ZRANB1: variants seen among roughly 807,000 people sequenced by gnomAD.
ZRANB1 encodes zinc finger RANBP2-type containing 1.
ZRANB1 carries 16 observed loss-of-function variants against 80.5 expected under a neutral mutation model. That is an observed-to-expected ratio of 0.20 (90% CI 0.13 to 0.30). ZRANB1 has a LOEUF of 0.30. Ranked by LOEUF, ZRANB1 falls within the 10% of genes least tolerant of loss-of-function variation. ZRANB1 has a pLI of 1.00. For synonymous variants in ZRANB1, 291 were observed against 293.1 expected (o/e 0.99, Z 0.07); for missense variants, 576 against 862.6 (o/e 0.67, Z 4.16).
chr10:124,917,775 C>G, the ZRANB1 span, among the ~76,000 whole-genome samples: 1 of 151,912 alleles, frequency 6.6e-6, no homozygotes, highest in South Asian at 2.1e-4. Flanking sequence ...AGGTGGGGGA[C>G]GACGAGGCGG....
At chr10:124,945,791 C>T (rs1433793507) in intron 1 of ZRANB1, 1 of 152,034 alleles carries the variant, frequency 6.6e-6, no homozygotes. Flanking sequence ...ATCCTTGTAC[C>T]TCTTTGCATT....
At chr10:124,953,363 C>G (rs753463441) in intron 1 of ZRANB1, among the ~76,000 whole-genome samples, 1 of 152,134 alleles carries the variant, frequency 6.6e-6, no homozygotes, top group Non-Finnish European at 1.5e-5. Context: ...AAGTAGCTGT[C>G]CTTTCCAAGA....
chr10:124,967,403 G>T (rs1358969440), intron 2 of ZRANB1, among the ~76,000 whole-genome samples: 1 of 152,178 alleles, frequency 6.6e-6, no homozygotes, highest in Non-Finnish European at 1.5e-5. Flanking sequence ...GGACTTGCAG[G>T]TAACTAAGCA....
chr10:124,959,045 C>T (rs1951709217), intron 1 of ZRANB1, among the ~76,000 whole-genome samples: 1 of 152,184 alleles, frequency 6.6e-6, no homozygotes, highest in African/African-American at 2.4e-5. Flanking sequence ...TTCAGGTACT[C>T]CCTGAGTGTG....
the ZRANB1 span, among the ~76,000 whole-genome samples, chr10:124,917,596 G>A: frequency 1.3e-5 from 2 of 152,208 alleles, no homozygotes; most frequent in African/African-American, 2.4e-5. Context: ...TTTTCCTGCC[G>A]GAGACGGATC....
chr10:124,921,516 A>G, the ZRANB1 span, among the ~76,000 whole-genome samples: 2 of 152,198 alleles, frequency 1.3e-5, no homozygotes, highest in African/African-American at 2.4e-5. Flanking sequence ...AGTAGGAGGT[A>G]TGGTATTTTA....
At chr10:124,918,098 C>T in the ZRANB1 span, among the ~76,000 whole-genome samples, 6 of 152,160 alleles carry the variant, frequency 3.9e-5, no homozygotes, top group African/African-American at 7.2e-5. Context: ...TAAGCGCCGC[C>T]CCATCTTACC....
At chr10:124,920,992 G>A in the ZRANB1 span, among the ~76,000 whole-genome samples, 2 of 152,096 alleles carry the variant, frequency 1.3e-5, no homozygotes, top group South Asian at 2.1e-4. Context: ...GGGACTTTAT[G>A]GTTTATGAGA....
intron 1 of ZRANB1, among the ~76,000 whole-genome samples, chr10:124,952,802 G>A (rs566266366): frequency 6.6e-6 from 1 of 152,222 alleles, no homozygotes; most frequent in South Asian, 2.1e-4. Flanking sequence ...GTAGAGACGG[G>A]TTTCACCATG....
At chr10:124,943,616 A>G (rs945708134) in intron 1 of ZRANB1, among the ~76,000 whole-genome samples, 4 of 152,224 alleles carry the variant, frequency 2.6e-5, no homozygotes, top group African/African-American at 7.2e-5. Context: ...AAGTATGCAT[A>G]CATAAAAATT....
chr10:124,984,359 T>C (rs964791802), intron 8 of ZRANB1: 14 of 160,832 alleles, frequency 8.7e-5, no homozygotes, highest in Admixed American at 3.1e-4. Flanking sequence ...TACTAGTAAT[T>C]ATAAAACGTT....
At chr10:124,946,812 A>G (rs1951589141) in intron 1 of ZRANB1, among the ~76,000 whole-genome samples, 1 of 152,226 alleles carries the variant, frequency 6.6e-6, no homozygotes, top group South Asian at 2.1e-4. Flanking sequence ...GACTAACAGA[A>G]GTTCACATGT....
rs1428308183 is a variant in ZRANB1 at position 124,943,102 on chromosome 10, G to C, written c.609G>C (p.Trp203Cys). Reference protein sequence around the residue: ...SIINEQDRARWRGSCSSGNSQ... With the variant: ...SIINEQDRARCRGSCSSGNSQ... ...TAAATGAGCAAGACAGAGCTCGATG[G>C]AGGGGAAGTTGCAGTAGTGGTAATA... Residue 203 changes from tryptophan to cysteine, a missense_variant, in exon 1 of 9, where the codon TGG (tryptophan) becomes TGC (cysteine). Coordinates refer to ENST00000359653, the MANE Select transcript of ZRANB1 (RefSeq NM_017580.3). 5.0e-6 allele frequency: 8 copies of C among 1,614,212 alleles called. No individual in the cohort carries two copies. In the East Asian group the frequency reaches 1.6e-4, roughly 31 times the overall value.
intron 3 of ZRANB1, among the ~76,000 whole-genome samples, chr10:124,972,576 A>G (rs1399630771): frequency 1.3e-5 from 2 of 152,214 alleles, no homozygotes; most frequent in Admixed American, 6.5e-5. Flanking sequence ...AACACACTGC[A>G]TCCTCTTGAA....
rs777983970 is a variant in ZRANB1, at chr10:124,985,897, CCTTCT to C, written c.*906_*910del. On this transcript the variant is annotated 3_prime_UTR_variant, in exon 9 of 9. Coordinates refer to ENST00000359653, the MANE Select transcript of ZRANB1 (RefSeq NM_017580.3). ...CATGCCAGAGGGTCTTCGGATTCTT[CCTTCT>C]ATCACCTCTGCTCTAAGCAAATCTT... is the stretch of plus-strand genomic sequence containing the variant. The C allele has an allele frequency of 6.8e-6, 1 of 148,026 alleles. No individual in the cohort carries two copies. Among genetic ancestry groups the C allele is most frequent in the African/African-American group, 2.4e-5 (1 of 41,276 alleles). 9.2% of individuals were successfully genotyped at this position (148,026 alleles called of 1,614,324 possible). A position where few individuals can be genotyped will look rare whatever the true frequency, so the allele number is the denominator to read the frequency against.
At chr10:124,917,481 T>TG in the ZRANB1 span, among the ~76,000 whole-genome samples, 1 of 151,792 alleles carries the variant, frequency 6.6e-6, no homozygotes, top group Non-Finnish European at 1.5e-5. Flanking sequence ...CCGGGGGCTG[T>TG]GGGAGGGCGG....
intron 5 of ZRANB1, among the ~76,000 whole-genome samples, chr10:124,981,099 T>G (rs1951928609): frequency 6.6e-6 from 1 of 152,264 alleles, no homozygotes; most frequent in Non-Finnish European, 1.5e-5. Context: ...AGCATAATTA[T>G]TTCTGAATTT....
intron 1 of ZRANB1, among the ~76,000 whole-genome samples, chr10:124,959,380 G>A (rs1951712824): frequency 6.6e-6 from 1 of 151,944 alleles, no homozygotes; most frequent in Admixed American, 6.5e-5. Context: ...GGGAATATTG[G>A]GACTATTTAA....
chr10:124,924,965 T>C, the ZRANB1 span, among the ~76,000 whole-genome samples: 1 of 151,918 alleles, frequency 6.6e-6, no homozygotes, highest in African/African-American at 2.4e-5. Context: ...TGGAGTGCAG[T>C]GGCGTGATCT....
Sources: gnomAD v4.1 joint callset for allele counts (sites outside exome capture counted in the v4.1 genomes callset) on GRCh38, gnomAD v4.1.1 for gene constraint, MANE v1.5 for transcripts, NCBI Gene and HGNC (gene_info 2026-07-23, HGNC 2026-07-21) for gene names.